The following MORC2 variants were observed in gnomAD, a reference collection of about 807,000 sequenced individuals.
MORC2 encodes the protein ATPase MORC2.
Under a neutral mutation model 136.0 loss-of-function variants are expected in MORC2, and 30 were observed. That is an observed-to-expected ratio of 0.22 (90% CI 0.17 to 0.30). The LOEUF (loss-of-function observed/expected upper bound fraction) is 0.30, where lower values mean the gene tolerates loss of function less well. Among genes scored for constraint, MORC2 ranks in the 10% least tolerant of loss-of-function variants. MORC2 has a pLI of 1.00. For synonymous variants in MORC2, 439 were observed against 487.0 expected (o/e 0.90, Z 1.30); for missense variants, 922 against 1,333.1 (o/e 0.69, Z 4.80).
intron 3 of MORC2, among the ~76,000 whole-genome samples, chr22:30,952,465 G>A (rs2040904042): frequency 6.6e-6 from 1 of 152,184 alleles, no homozygotes; most frequent in African/African-American, 2.4e-5. Context: ...TAACAGTGGG[G>A]CTGGTATCCT....
chr22:30,964,875 CCA>C (rs2041102453), intron 1 of MORC2, among the ~76,000 whole-genome samples: 1 of 152,032 alleles, frequency 6.6e-6, no homozygotes, highest in Non-Finnish European at 1.5e-5. Context: ...CAAGTTGCCA[CCA>C]CAGTGACCAA....
rs1384725393 is a variant in MORC2, at chr22:30,937,763, C to T, written c.1369+52G>A. The T allele has an allele frequency of 6.2e-7, 1 of 1,613,986 alleles. No individual in the cohort carries two copies. The highest frequency in any genetic ancestry group is 2.2e-5 in the East Asian group (1 of 44,878). The stretch of plus-strand genomic sequence containing the variant: ...GTTAGGAGCCAGCCTCTCTCTCTCC[C>T]TACATTCAGGTGAAGAGAAAAGGCA... On this transcript the variant is annotated intron_variant, in intron 14 of 25. Coordinates refer to ENST00000397641, the MANE Select transcript of MORC2 (RefSeq NM_001303256.3). The surrounding 1 kb of genome is among the most constrained non-coding windows in gnomAD (Gnocchi z 4.7).
At chr22:30,943,315 G>A (rs1036824258) in intron 6 of MORC2, among the ~76,000 whole-genome samples, 11 of 152,164 alleles carry the variant, frequency 7.2e-5, no homozygotes, top group African/African-American at 2.7e-4. Flanking sequence ...TTCCTTCGGG[G>A]GCACAAGAAG....
chr22:30,927,965 C>T lies in MORC2; in HGVS notation c.3030+54G>A, dbSNP rs2040515007. 2.5e-6 allele frequency: 4 copies of T among 1,598,918 alleles called. No homozygotes were observed. The African/African-American group carries it at 4.0e-5, about 16-fold the overall frequency. On this transcript the variant is annotated intron_variant, in intron 25 of 25. Coordinates refer to ENST00000397641, the MANE Select transcript of MORC2 (RefSeq NM_001303256.3). ...GAGAACAGGAACAGGGCCCAGGCCCCCCTCCCTGAGAGACCAGGTGGTCCA... is the reference window on the plus strand; with the variant it reads ...GAGAACAGGAACAGGGCCCAGGCCCTCCTCCCTGAGAGACCAGGTGGTCCA...
rs115550409 is a variant in MORC2, at chr22:30,928,565, T to C, written c.2842-358A>G. 7.2e-3 allele frequency among the ~76,000 whole-genome samples: 1,092 copies of C among 152,318 alleles called. 13 individuals are homozygous for C. The highest frequency in any genetic ancestry group is 0.025 in the African/African-American group (1,035 of 41,564). ...TCAATCATAACCTGTCTGACTTCAGTACAGCCCTTTCAACCACCCACTTCC... is the reference window on the plus strand; with the variant it reads ...TCAATCATAACCTGTCTGACTTCAGCACAGCCCTTTCAACCACCCACTTCC... On this transcript the variant is annotated intron_variant, in intron 24 of 25. Coordinates refer to ENST00000397641, the MANE Select transcript of MORC2 (RefSeq NM_001303256.3).
At chr22:30,946,569 C>CA (rs1347996633) in intron 5 of MORC2, 120 bp from the exon 6 acceptor site, 1 of 751,220 alleles carries the variant, frequency 1.3e-6, no homozygotes, top group East Asian at 2.6e-5. Flanking sequence ...TAAAGGCCCC[C>CA]CCAGGTCCCA....
chr22:30,926,809 C>T lies in MORC2; in HGVS notation c.3093G>A (p.Gly1031=), dbSNP rs2040491185. Residue 1031 remains glycine, a synonymous_variant, in exon 26 of 26, where the codon GGG becomes GGA. Transcript: ENST00000397641. ...GCTGCTCTCTCTCCTGCCTTCAGTCCCCCTTGGTGATGAGGTCCTCAATGT... is the reference window on the plus strand; with the variant it reads ...GCTGCTCTCTCTCCTGCCTTCAGTCTCCCTTGGTGATGAGGTCCTCAATGT... ...DAYIEDLITK[G]D is the part of the protein sequence containing the mutation. 6.2e-7 allele frequency: 1 copy of T among 1,613,152 alleles called. No homozygotes were observed. Among genetic ancestry groups the T allele is most frequent in the Non-Finnish European group, 8.5e-7 (1 of 1,179,622 alleles).
At chr22:30,935,346 A>T (rs763277273) in intron 17 of MORC2, 24 bp from the exon 18 acceptor site, 23 of 1,607,356 alleles carry the variant, frequency 1.4e-5, no homozygotes, top group Non-Finnish European at 6.8e-6. Flanking sequence ...ATCATGATGA[A>T]GTTGTTTGCA....
chr22:30,949,177 C>T (rs2040856338), intron 5 of MORC2, among the ~76,000 whole-genome samples: 1 of 152,220 alleles, frequency 6.6e-6, no homozygotes, highest in African/African-American at 2.4e-5. Context: ...ACCAGAACAA[C>T]ACATTCCAAA....
intron 1 of MORC2, among the ~76,000 whole-genome samples, chr22:30,961,383 T>C (rs1267311209): frequency 6.6e-6 from 1 of 152,228 alleles, no homozygotes; most frequent in Non-Finnish European, 1.5e-5. Flanking sequence ...GTAATGTTGG[T>C]TAAAAGTGAA....
chr22:30,950,432 G>C lies in MORC2; in HGVS notation c.171C>G (p.Asp57Glu). 1.3e-6 allele frequency: 2 copies of C among 1,588,630 alleles called. No individual in the cohort carries two copies. Among genetic ancestry groups the C allele is most frequent in the South Asian group, 2.2e-5 (2 of 90,692 alleles). ...RIDIYAERREDLRGGFMLCFL... is the reference protein window; with the variant it reads ...RIDIYAERREELRGGFMLCFL... ...AGCAAAGCATAAATCCTCCTCGAAG[G>C]TCCTCTCGTCTTTCTGTAAAAGAAG... Residue 57 changes from aspartate to glutamate, a missense_variant, in exon 4 of 26, where the codon GAC (aspartate) becomes GAG (glutamate). Coordinates refer to ENST00000397641, the MANE Select transcript of MORC2 (RefSeq NM_001303256.3).
intron 24 of MORC2, among the ~76,000 whole-genome samples, chr22:30,931,835 C>A (rs2040580098): frequency 6.6e-6 from 1 of 152,268 alleles, no homozygotes; most frequent in Admixed American, 6.5e-5. Flanking sequence ...GAAGGCAAGA[C>A]TCTCTTTTGC....
intron 10 of MORC2, 65 bp from the exon 11 acceptor site, chr22:30,940,106 G>C: frequency 3.3e-6 from 5 of 1,496,424 alleles, no homozygotes; most frequent in Non-Finnish European, 4.6e-6. Context: ...ATCCCTCCTG[G>C]ATCCACAGTA....
chr22:30,947,607 T>C (rs2040837022), intron 5 of MORC2, among the ~76,000 whole-genome samples: 2 of 152,142 alleles, frequency 1.3e-5, no homozygotes. Flanking sequence ...AGGACACTAT[T>C]CAAAGATACC....
intron 24 of MORC2, chr22:30,929,842 C>T (rs1330651781): frequency 1.3e-5 from 2 of 152,088 alleles, no homozygotes; most frequent in Non-Finnish European, 2.9e-5. Context: ...CCTCCTTGTA[C>T]AAAAAGAAGC....
intron 4 of MORC2, 30 bp downstream of exon 4, chr22:30,950,342 CCCCCA>C: frequency 1.7e-6 from 1 of 589,190 alleles, no homozygotes. Flanking sequence ...ACATCGCACC[CCCCCA>C]CCCCCCAAAA....
chr22:30,927,437 G>A (rs919872985), intron 25 of MORC2, among the ~76,000 whole-genome samples: 1 of 152,142 alleles, frequency 6.6e-6, no homozygotes, highest in Non-Finnish European at 1.5e-5. Flanking sequence ...TGCCTGGAAT[G>A]CTCGTGTCAC....
intron 2 of MORC2, among the ~76,000 whole-genome samples, 175 bp downstream of exon 2, chr22:30,958,466 G>A (rs551811549): frequency 1.4e-4 from 22 of 152,318 alleles, no homozygotes; most frequent in Non-Finnish European, 2.5e-4. Flanking sequence ...GAAAGTGGAA[G>A]TTATCAACTA....
At chr22:30,961,364 T>C (rs2041042717) in intron 1 of MORC2, among the ~76,000 whole-genome samples, 1 of 152,236 alleles carries the variant, frequency 6.6e-6, no homozygotes, top group Admixed American at 6.5e-5. Context: ...TTAAGGTGAC[T>C]TGCCAAAGGT....
Sources: gnomAD v4.1 joint callset for allele counts (sites outside exome capture counted in the v4.1 genomes callset) on GRCh38, gnomAD v4.1.1 for gene constraint, Gnocchi (gnomAD v3.1) non-coding constraint, MANE v1.5 for transcripts, NCBI Gene and HGNC (gene_info 2026-07-23, HGNC 2026-07-21) for gene names.